The following SNAP25 variants were observed in gnomAD, a reference collection of about 807,000 sequenced individuals.
The protein encoded by SNAP25 is synaptosome associated protein 25.
A neutral mutation model predicts 28.7 loss-of-function variants in SNAP25; 3 were observed. The ratio of observed to expected loss-of-function variants is 0.10; its 90% CI spans 0.05 to 0.27. The LOEUF (loss-of-function observed/expected upper bound fraction) is 0.27, where lower values mean the gene tolerates loss of function less well. Ranked by LOEUF, SNAP25 falls within the 10% of genes least tolerant of loss-of-function variation. The pLI, the probability that SNAP25 is intolerant of heterozygous loss-of-function variation, is 1.00. For synonymous variants in SNAP25, 61 were observed against 88.1 expected, an observed-to-expected ratio of 0.69 and a Z score of 1.72; for missense variants, 117 against 278.7, an observed-to-expected ratio of 0.42 and a Z score of 4.13.
In SNAP25 at chr20:10,261,191, T is replaced by C. The variant is rs2063409038; in HGVS notation, c.-63-14238T>C. 3.3e-5 allele frequency among the ~76,000 whole-genome samples: 5 copies of C among 152,188 alleles called. No homozygotes were observed. In the South Asian group the frequency reaches 1.0e-3, roughly 32 times the overall value. On this transcript the variant is annotated intron_variant, in intron 1 of 7. Coordinates refer to ENST00000254976, the MANE Select transcript of SNAP25 (RefSeq NM_130811.4). ...ATACCCTCAATCATTTTTAGTACAA[T>C]GGGATTTCAAAGCCCTTGACCACAT... is the stretch of plus-strand genomic sequence containing the variant.
At chr20:10,295,213 G>A (rs547567959) in intron 5 of SNAP25, among the ~76,000 whole-genome samples, 164 of 152,384 alleles carry the variant, frequency 1.1e-3, no homozygotes, top group African/African-American at 3.8e-3. Flanking sequence ...GATGGTAGAT[G>A]TACGGCAGTG....
intron 3 of SNAP25, 106 bp from the exon 4 acceptor site, chr20:10,284,618 T>A (rs1445737565): frequency 2.3e-6 from 2 of 873,894 alleles, no homozygotes; most frequent in Non-Finnish European, 3.8e-6. Context: ...CTTTTGGTCC[T>A]TCTTCATTTT....
intron 1 of SNAP25, among the ~76,000 whole-genome samples, chr20:10,230,282 T>C (rs978665412): frequency 1.3e-5 from 2 of 152,100 alleles, no homozygotes; most frequent in Non-Finnish European, 2.9e-5. Context: ...GTGGAGGGAA[T>C]ATCATCCCAA....
rs147324589 is a variant in SNAP25, at chr20:10,249,816, T to A, written c.-63-25613T>A. On this transcript the variant is annotated intron_variant, in intron 1 of 7. Transcript: ENST00000254976. ...TCTAACAAGAACCCTGCAAAGCTAA[T>A]TATTTTGCTTCCCAAGGAGAACAGC... is the stretch of plus-strand genomic sequence containing the variant. 2.8e-4 allele frequency among the ~76,000 whole-genome samples: 42 copies of A among 152,300 alleles called. No individual in the cohort carries two copies. In the East Asian group the frequency reaches 7.1e-3, roughly 26 times the overall value.
chr20:10,240,450 TGTCATGC>T (rs2063006420), intron 1 of SNAP25, among the ~76,000 whole-genome samples: 2 of 152,190 alleles, frequency 1.3e-5, no homozygotes, highest in African/African-American at 4.8e-5. Context: ...AATGGCATCC[TGTCATGC>T]TCACAGGTGC....
At chr20:10,224,866 T>G (rs887507457) in intron 1 of SNAP25, among the ~76,000 whole-genome samples, 2 of 151,840 alleles carry the variant, frequency 1.3e-5, no homozygotes, top group African/African-American at 4.8e-5. Context: ...TTTCTAGACC[T>G]CTTCTTGATC....
At chr20:10,284,805 C>A (rs372843196) in intron 4 of SNAP25, 33 bp downstream of exon 4, 40 of 1,551,826 alleles carry the variant, frequency 2.6e-5, no homozygotes, top group Non-Finnish European at 3.5e-5. Flanking sequence ...AGAACAATTC[C>A]TCTTCTGAAT....
intron 3 of SNAP25, 106 bp downstream of exon 3, chr20:10,277,832 G>C: frequency 9.5e-7 from 1 of 1,052,754 alleles, no homozygotes; most frequent in South Asian, 1.3e-5. Context: ...CTAGATTCCA[G>C]TGTGGATGTA....
chr20:10,252,070 G>T (rs2063239262), intron 1 of SNAP25, among the ~76,000 whole-genome samples: 1 of 152,148 alleles, frequency 6.6e-6, no homozygotes, highest in Non-Finnish European at 1.5e-5. Context: ...CAGTTAACAG[G>T]CCCTATGTGC....
chr20:10,292,668 T>A (rs1267288547), intron 4 of SNAP25, among the ~76,000 whole-genome samples: 1 of 152,206 alleles, frequency 6.6e-6, no homozygotes, highest in East Asian at 1.9e-4. Context: ...CATCCCATCA[T>A]GTTGAATTAC....
intron 1 of SNAP25, among the ~76,000 whole-genome samples, chr20:10,244,242 T>TGGCC (rs1277046576): frequency 2.0e-5 from 3 of 152,208 alleles, no homozygotes; most frequent in Non-Finnish European, 4.4e-5. Context: ...ACCTTGTGTA[T>TGGCC]CTGATCTCTA....
At chr20:10,285,364 C>A (rs2123068022) in intron 4 of SNAP25, among the ~76,000 whole-genome samples, 1 of 152,158 alleles carries the variant, frequency 6.6e-6, no homozygotes, top group East Asian at 1.9e-4. Flanking sequence ...ATCAGAGAGC[C>A]AGCATTTTAA....
At chr20:10,301,428 A>G (rs2064232570) in intron 7 of SNAP25, among the ~76,000 whole-genome samples, 1 of 152,120 alleles carries the variant, frequency 6.6e-6, no homozygotes, top group African/African-American at 2.4e-5. Flanking sequence ...CCAGAATCAA[A>G]ATCCACACAT....
intron 4 of SNAP25, chr20:10,292,944 A>G: frequency 4.3e-6 from 7 of 1,613,812 alleles, no homozygotes; most frequent in Non-Finnish European, 5.9e-6. Flanking sequence ...GGAGGCTGAG[A>G]AAAATTTAAA....
At chr20:10,233,609 C>T (rs1281503194) in intron 1 of SNAP25, among the ~76,000 whole-genome samples, 1 of 152,164 alleles carries the variant, frequency 6.6e-6, no homozygotes, top group East Asian at 1.9e-4. Context: ...TAATGGGATG[C>T]AGGAAGGCAT....
intron 1 of SNAP25, among the ~76,000 whole-genome samples, chr20:10,236,955 A>AAGAC (rs1207043745): frequency 9.6e-6 from 1 of 104,244 alleles, no homozygotes; most frequent in Non-Finnish European, 2.1e-5. Context: ...TCCAAAGGAA[A>AAGAC]ATACATAAAT....
chr20:10,292,750 A>C, intron 4 of SNAP25: 1 of 646,268 alleles, frequency 1.5e-6, no homozygotes, highest in Admixed American at 2.8e-5. Context: ...AGCAGTCTTC[A>C]ACAATGCATC....
chr20:10,234,033 T>C (rs1406282539), intron 1 of SNAP25, among the ~76,000 whole-genome samples: 1 of 152,198 alleles, frequency 6.6e-6, no homozygotes, highest in African/African-American at 2.4e-5. Flanking sequence ...TCCTTTTGGA[T>C]ATGACAGGCT....
rs2064358265 is a variant in SNAP25 at position 10,306,262 on chromosome 20, T to A, written c.*65T>A. On this transcript the variant is annotated 3_prime_UTR_variant, in exon 8 of 8. Coordinates refer to ENST00000254976, the MANE Select transcript of SNAP25 (RefSeq NM_130811.4). The stretch of plus-strand genomic sequence containing the variant: ...AGATAGCTCCTTCATGCTTTTCTCA[T>A]GGTATTATCTAGTAGGTCTGCACAC... 1.4e-6 allele frequency: 2 copies of A among 1,471,428 alleles called. No individual in the cohort carries two copies. Among genetic ancestry groups the A allele is most frequent in the Non-Finnish European group, 1.9e-6 (2 of 1,053,338 alleles). The allele number at this position is 1,471,428 out of a possible 1,614,324, so 91.1% of individuals were successfully genotyped here.
Sources: gnomAD v4.1 joint callset for allele counts (sites outside exome capture counted in the v4.1 genomes callset) on GRCh38, gnomAD v4.1.1 for gene constraint, MANE v1.5 for transcripts, NCBI Gene and HGNC (gene_info 2026-07-23, HGNC 2026-07-21) for gene names.